Variants in CUX1 observed in about 807,000 individuals in gnomAD.
CUX1 encodes the protein protein CASP.
A neutral mutation model predicts 158.8 loss-of-function variants in CUX1; 31 were observed. That is an observed-to-expected ratio of 0.20 (90% CI 0.15 to 0.26). The LOEUF is 0.26. CUX1 is among the 10% of genes least tolerant of loss of function. CUX1 has a pLI of 1.00. For synonymous variants in CUX1, 879 were observed against 862.1 expected (o/e 1.02, Z -0.34); for missense variants, 1,589 against 2,014.6 (o/e 0.79, Z 4.04).
rs558320457 is a variant in CUX1 at position 102,270,750 on chromosome 7, C to G, written c.1256-2616C>G. Among the ~76,000 whole-genome samples the G allele has an allele frequency of 2.6e-5, 4 of 152,342 alleles. No individual in the cohort carries two copies. In the East Asian group the frequency reaches 7.7e-4, roughly 29 times the overall value. On this transcript the variant is annotated intron_variant, in intron 14 of 22. Transcript: ENST00000292538. Reference sequence around the variant, plus strand: ...CAGCGCCAATGGCCAGGCCTCCAGGCCAGCTTAACACATGGGCCTTTTCCA... The same window carrying G: ...CAGCGCCAATGGCCAGGCCTCCAGGGCAGCTTAACACATGGGCCTTTTCCA...
Position 102,280,920 on chromosome 7 carries a change from AC to A in CUX1, c.1821+62del, listed in dbSNP as rs1329959683. The A allele has an allele frequency of 3.4e-6, 5 of 1,492,308 alleles. No homozygotes were observed. In the East Asian group the frequency reaches 1.1e-4, roughly 34 times the overall value. The allele number at this position is 1,492,308 out of a possible 1,614,324, so 92.4% of individuals were successfully genotyped here. The stretch of plus-strand genomic sequence containing the variant: ...CAGGCCTGAGCCTCTGTCTCCAGGC[AC>A]CTCTTCACCTGCCCTGCAGCCCAGG... On this transcript the variant is annotated intron_variant, in intron 20 of 22. Coordinates refer to the CUX1 transcript ENST00000292538.
intron 9 of CUX1, among the ~76,000 whole-genome samples, chr7:102,163,445 A>T (rs1341732517): frequency 6.6e-6 from 1 of 151,956 alleles, no homozygotes; most frequent in African/African-American, 2.4e-5. Flanking sequence ...AACACCAGAG[A>T]TGCGGGTCAG....
At chr7:102,241,194 G>A (rs561049240) in intron 23 of CUX1, among the ~76,000 whole-genome samples, 1 of 152,246 alleles carries the variant, frequency 6.6e-6, no homozygotes, top group South Asian at 2.1e-4. Context: ...TGCTGTCTTG[G>A]TAGAACAAAG....
intron 2 of CUX1, among the ~76,000 whole-genome samples, chr7:101,966,350 C>CTTTTTTTT: frequency 6.7e-6 from 1 of 149,794 alleles, no homozygotes. Context: ...AGAATTCACA[C>CTTTTTTTT]TGAGATATTT....
chr7:101,821,370 G>T (rs1485663163), intron 1 of CUX1, among the ~76,000 whole-genome samples: 1 of 148,414 alleles, frequency 6.7e-6, no homozygotes, highest in African/African-American at 2.5e-5. Context: ...ACAGAGTCTC[G>T]CTCTTTCGCC....
chr7:102,095,288 G>A (rs961057864), intron 4 of CUX1, among the ~76,000 whole-genome samples: 81 of 152,252 alleles, frequency 5.3e-4, no homozygotes, highest in African/African-American at 1.9e-3. Context: ...TGGGATTACA[G>A]GCATGAGCCA....
chr7:102,190,084 C>T lies in CUX1; in HGVS notation c.1076+213C>T, dbSNP rs548879853. ...TGGGCCTGTCCCTGAATTCTTTGGA[C>T]TTTTGCTAAAAGCTGTGCATTGCAG... On this transcript the variant is annotated intron_variant, in intron 12 of 23. Transcript: ENST00000292535. 1.2e-4 allele frequency among the ~76,000 whole-genome samples: 19 copies of T among 152,378 alleles called. No individual in the cohort carries two copies. In the South Asian group the frequency reaches 3.3e-3, roughly 27 times the overall value.
chr7:102,057,744 A>C (rs1157644554), intron 3 of CUX1, among the ~76,000 whole-genome samples: 1 of 152,208 alleles, frequency 6.6e-6, no homozygotes, highest in South Asian at 2.1e-4. Context: ...TGGTTTCTTG[A>C]GATGGAAACT....
intron 3 of CUX1, among the ~76,000 whole-genome samples, chr7:102,068,924 T>G (rs1825836678): frequency 1.3e-5 from 2 of 152,280 alleles, no homozygotes; most frequent in Admixed American, 6.5e-5. Flanking sequence ...GCATAGTTGA[T>G]GAACAGACGT....
chr7:101,984,139 CAT>C lies in CUX1; in HGVS notation c.142-43950_142-43949del, dbSNP rs1222076197. On this transcript the variant is annotated intron_variant, in intron 2 of 23. Transcript: ENST00000292535. Reference sequence around the variant, plus strand: ...ATATATATATATATATACACACACACATATATATATGTGTGTGTGTGTGTGTG... The same window carrying C: ...ATATATATATATATATACACACACACATATATATGTGTGTGTGTGTGTGTG... Among the ~76,000 whole-genome samples, 384 of 45,660 alleles carry C rather than the reference CAT, an allele frequency of 8.4e-3. 10 individuals are homozygous for C. The highest frequency in any genetic ancestry group is 0.033 in the Middle Eastern group (2 of 60). The allele number at this position is 45,660 out of a possible 152,430, so 30.0% of individuals were successfully genotyped here.
intron 18 of CUX1, among the ~76,000 whole-genome samples, chr7:102,203,844 C>A (rs1315066443): frequency 6.6e-6 from 1 of 152,138 alleles, no homozygotes; most frequent in African/African-American, 2.4e-5. Flanking sequence ...AGGCCGGCTC[C>A]CCAGGTCCCA....
intron 8 of CUX1, among the ~76,000 whole-genome samples, chr7:102,150,218 C>T (rs1835484503): frequency 1.3e-5 from 2 of 152,084 alleles, no homozygotes; most frequent in South Asian, 2.1e-4. Flanking sequence ...TGCAGTGGCA[C>T]GATCTCAGCT....
At position 102,255,964 on chromosome 7, in the gene CUX1, C is replaced by A; in HGVS notation, c.*6922C>A. The stretch of plus-strand genomic sequence containing the variant: ...TAACGTATTGCACACCAAATGAACT[C>A]AAAGTAAGCTTTAGACCAGGACGAT... On this transcript the variant is annotated 3_prime_UTR_variant, in exon 24 of 24. Transcript: ENST00000292535. 1.0e-5 allele frequency: 10 copies of A among 985,426 alleles called. No individual in the cohort carries two copies. The highest frequency in any genetic ancestry group is 1.2e-5 in the Non-Finnish European group (10 of 829,940). The allele number at this position is 985,426 out of a possible 1,614,324, so 61.0% of individuals were successfully genotyped here. A position where few individuals can be genotyped will look rare whatever the true frequency, so the allele number is the denominator to read the frequency against.
At chr7:102,032,393 C>A (rs1820895018) in intron 3 of CUX1, among the ~76,000 whole-genome samples, 1 of 151,724 alleles carries the variant, frequency 6.6e-6, no homozygotes, top group Admixed American at 6.6e-5. Context: ...GAGACCCCGT[C>A]TCAGTCTCAT....
At chr7:102,058,574 T>C (rs1824418993) in intron 3 of CUX1, among the ~76,000 whole-genome samples, 1 of 152,306 alleles carries the variant, frequency 6.6e-6, no homozygotes, top group South Asian at 2.1e-4. Context: ...TGAGCCACCG[T>C]ACCTGGTCTG....
At chr7:101,851,712 G>T (rs1482594816) in intron 1 of CUX1, among the ~76,000 whole-genome samples, 1 of 152,130 alleles carries the variant, frequency 6.6e-6, no homozygotes, top group Non-Finnish European at 1.5e-5. Flanking sequence ...ACGCACCTTG[G>T]CGTGGTTCTT....
Position 102,254,300 on chromosome 7 carries a change from A to G in CUX1, c.*5258A>G. On this transcript the variant is annotated 3_prime_UTR_variant, in exon 24 of 24. Transcript: ENST00000292535. ...TTATCCTTGTCCCGGACTGCCCCAA[A>G]GTTCCCAGCTGGCTTTGGGGAACAC... 1.0e-6 allele frequency: 1 copy of G among 985,402 alleles called. No individual in the cohort carries two copies. Among genetic ancestry groups the G allele is most frequent in the Non-Finnish European group, 1.2e-6 (1 of 829,982 alleles). 61.0% of individuals were successfully genotyped at this position (985,402 alleles called of 1,614,324 possible).
At chr7:102,002,725 C>T (rs1816833743) in intron 2 of CUX1, among the ~76,000 whole-genome samples, 1 of 152,090 alleles carries the variant, frequency 6.6e-6, no homozygotes, top group South Asian at 2.1e-4. Context: ...TTCTAGGCCA[C>T]CCGGCAGTGA....
chr7:101,996,779 AG>A (rs1815963341), intron 2 of CUX1, among the ~76,000 whole-genome samples: 1 of 151,226 alleles, frequency 6.6e-6, no homozygotes, highest in South Asian at 2.1e-4. Context: ...TGTCAAATAC[AG>A]CCCCAGGCTA....
Sources: allele counts gnomAD v4.1 joint callset (sites outside exome capture counted in the v4.1 genomes callset), GRCh38; gene constraint gnomAD v4.1.1; transcripts MANE v1.5; gene names NCBI Gene and HGNC (gene_info 2026-07-23, HGNC 2026-07-21).